ATP2C2: variants seen among roughly 807,000 people sequenced by gnomAD.
The protein encoded by ATP2C2 is calcium-transporting ATPase type 2C member 2.
ATP2C2 carries 171 observed loss-of-function variants against 110.8 expected under a neutral mutation model. The ratio of observed to expected loss-of-function variants is 1.54; its 90% CI spans 1.36 to 1.75. ATP2C2 has a LOEUF of 1.75. Among genes scored for constraint, ATP2C2 ranks in the 40% most tolerant of loss-of-function variants. The pLI, the probability that ATP2C2 is intolerant of heterozygous loss-of-function variation, is 0.00. For missense variants in ATP2C2, 1,963 were observed against 1,235.0 expected, an observed-to-expected ratio of 1.59 and a Z score of -8.84; for synonymous variants, 804 against 508.4, an observed-to-expected ratio of 1.58 and a Z score of -7.82.
At chr16:84,435,934 G>T (rs1597831435) in intron 11 of ATP2C2, among the ~76,000 whole-genome samples, 1 of 152,210 alleles carries the variant, frequency 6.6e-6, no homozygotes, top group East Asian at 1.9e-4. Flanking sequence ...TTCAAGACCA[G>T]CCTGGCCAAC....
chr16:84,429,216 A>G (rs1002265508), intron 11 of ATP2C2, among the ~76,000 whole-genome samples: 1 of 152,186 alleles, frequency 6.6e-6, no homozygotes, highest in African/African-American at 2.4e-5. Context: ...CAATGGCACG[A>G]TCTTGGCTCA....
chr16:84,445,535 G>T (rs1470628523), intron 15 of ATP2C2, among the ~76,000 whole-genome samples: 2 of 152,108 alleles, frequency 1.3e-5, no homozygotes, highest in African/African-American at 4.8e-5. Context: ...AGTCATGTTG[G>T]CTTAGGGCCA....
chr16:84,426,971 C>A (rs998807510), intron 11 of ATP2C2, among the ~76,000 whole-genome samples: 1 of 152,174 alleles, frequency 6.6e-6, no homozygotes, highest in South Asian at 2.1e-4. Context: ...AGTAGTTCTT[C>A]TGTGGCTATT....
At chr16:84,395,630 C>T (rs1341077300) in intron 1 of ATP2C2, among the ~76,000 whole-genome samples, 1 of 151,864 alleles carries the variant, frequency 6.6e-6, no homozygotes, top group African/African-American at 2.4e-5. Context: ...CTGACTCAGC[C>T]TCCAGAGTCG....
At chr16:84,373,764 A>C (rs866704020) in intron 1 of ATP2C2, among the ~76,000 whole-genome samples, 75 of 152,250 alleles carry the variant, frequency 4.9e-4, no homozygotes, top group African/African-American at 1.5e-3. Flanking sequence ...TCCTAGAACC[A>C]CATCTGACAT....
intron 11 of ATP2C2, among the ~76,000 whole-genome samples, chr16:84,428,433 A>G (rs142902033): frequency 1.4e-4 from 21 of 152,362 alleles, no homozygotes; most frequent in East Asian, 1.2e-3. Context: ...AAAGCATTCA[A>G]TAACTGTTTT....
intron 1 of ATP2C2, among the ~76,000 whole-genome samples, chr16:84,387,418 A>G (rs993583716): frequency 1.3e-5 from 2 of 152,174 alleles, no homozygotes; most frequent in African/African-American, 4.8e-5. Flanking sequence ...AGGCTGAGGC[A>G]GGAGAATCAC....
chr16:84,459,128 T>C lies in ATP2C2; in HGVS notation c.2156T>C (p.Val719Ala), dbSNP rs1190007487. 1 of 1,613,966 alleles carries C rather than the reference T, an allele frequency of 6.2e-7. No homozygotes were observed. The highest frequency in any genetic ancestry group is 2.2e-5 in the East Asian group (1 of 44,890). Residue 719 changes from valine to alanine, a missense_variant, in exon 22 of 27, where the codon GTG becomes GCG. Val to Ala is a moderately conservative substitution (Grantham distance 64). Coordinates refer to ENST00000262429, the MANE Select transcript of ATP2C2 (RefSeq NM_014861.4). ...DDDFSAIMNA[V>A]EEGKGIFYNI... ...GCTCTCTTCTCTTGCAGGAATGCAGTGGAGGAAGGCAAGGGTATTTTTTAC... is the reference window on the plus strand; with the variant it reads ...GCTCTCTTCTCTTGCAGGAATGCAGCGGAGGAAGGCAAGGGTATTTTTTAC...
chr16:84,427,171 G>A (rs1907880534), intron 11 of ATP2C2, among the ~76,000 whole-genome samples: 1 of 152,096 alleles, frequency 6.6e-6, no homozygotes, highest in Non-Finnish European at 1.5e-5. Flanking sequence ...GTGATGTGTG[G>A]AAAATCATTC....
At chr16:84,382,660 A>G (rs900205341) in intron 1 of ATP2C2, among the ~76,000 whole-genome samples, 3 of 152,152 alleles carry the variant, frequency 2.0e-5, no homozygotes, top group African/African-American at 7.2e-5. Flanking sequence ...TTGGGAGGCT[A>G]AGGCGAGAGG....
At chr16:84,459,628 GCTCT>G in intron 23 of ATP2C2, 1 of 1,506,034 alleles carries the variant, frequency 6.6e-7, no homozygotes, top group Non-Finnish European at 8.9e-7. Flanking sequence ...CTGCCTGGAT[GCTCT>G]CTCTGGGCAA....
intron 25 of ATP2C2, 41 bp downstream of exon 25, chr16:84,461,853 G>A (rs773910075): frequency 5.6e-6 from 9 of 1,607,260 alleles, no homozygotes; most frequent in Admixed American, 1.7e-5. Context: ...GAGCTGCTGT[G>A]TGTTCTCGAC....
intron 1 of ATP2C2, among the ~76,000 whole-genome samples, chr16:84,382,392 G>A (rs770739402): frequency 1.3e-5 from 2 of 152,076 alleles, no homozygotes; most frequent in Non-Finnish European, 2.9e-5. Flanking sequence ...TCACTGATGG[G>A]CTTCAAATAC....
Position 84,451,852 on chromosome 16 carries a change from C to T in ATP2C2, c.1661-69C>T, listed in dbSNP as rs980900627. The stretch of plus-strand genomic sequence containing the variant: ...AAACTCTCTTAAAAAACAACAACAA[C>T]AACCAACAACAAAAAACGACGGCCC... On this transcript the variant is annotated intron_variant, in intron 17 of 26. Coordinates refer to ENST00000262429, the MANE Select transcript of ATP2C2 (RefSeq NM_014861.4). The T allele has an allele frequency of 1.0e-4, 149 of 1,454,382 alleles. 1 individual carries two copies. Among genetic ancestry groups the T allele is most frequent in the Non-Finnish European group, 1.3e-4 (139 of 1,066,896 alleles). 90.1% of individuals were successfully genotyped at this position (1,454,382 alleles called of 1,614,324 possible). A position where few individuals can be genotyped will look rare whatever the true frequency, so the allele number is the denominator to read the frequency against.
At chr16:84,399,300 C>A (rs1189176663) in intron 2 of ATP2C2, among the ~76,000 whole-genome samples, 2 of 152,172 alleles carry the variant, frequency 1.3e-5, no homozygotes, top group East Asian at 3.8e-4. Context: ...CAATTCAAGT[C>A]CTGTGTATTA....
At chr16:84,451,794 C>T in intron 17 of ATP2C2, 127 bp from the exon 18 acceptor site, 3 of 940,928 alleles carry the variant, frequency 3.2e-6, no homozygotes, top group Non-Finnish European at 1.6e-6. Flanking sequence ...GCCAACATTA[C>T]ACCACTGCAC....
rs571525972 is a variant in ATP2C2 at position 84,461,494 on chromosome 16, GC to G, written c.2482-215del. ...TGTTTCCTCCACCCATAGGTGCCCT[GC>G]CCCCATCCTCATGGTGGCAGCAAAT... is the stretch of plus-strand genomic sequence containing the variant. On this transcript the variant is annotated intron_variant, in intron 24 of 26. Transcript: ENST00000262429. 301 of 611,504 alleles carry G rather than the reference GC, an allele frequency of 4.9e-4. 2 individuals are homozygous for G. The African/African-American group carries it at 5.1e-3, about 10-fold the overall frequency. 37.9% of individuals were successfully genotyped at this position (611,504 alleles called of 1,614,324 possible).
At position 84,452,106 on chromosome 16, in the gene ATP2C2, G is replaced by T; in HGVS notation, c.1831+15G>T. The T allele has an allele frequency of 6.2e-7, 1 of 1,613,760 alleles. No individual in the cohort carries two copies. ...CTTGGCCATAGGTAACTGGGACAGG[G>T]TCGGGGGTGAGGACGAAAGGACCCA... On this transcript the variant is annotated intron_variant, in intron 18 of 26. Coordinates refer to ENST00000262429, the MANE Select transcript of ATP2C2 (RefSeq NM_014861.4).
At chr16:84,434,949 C>G (rs1164884568) in intron 11 of ATP2C2, among the ~76,000 whole-genome samples, 3 of 152,220 alleles carry the variant, frequency 2.0e-5, no homozygotes, top group Non-Finnish European at 4.4e-5. Context: ...GTTTGCTTAG[C>G]TGGTCTTCAC....
Sources: gnomAD v4.1 joint callset for allele counts (sites outside exome capture counted in the v4.1 genomes callset) on GRCh38, gnomAD v4.1.1 for gene constraint, MANE v1.5 for transcripts, NCBI Gene and HGNC (gene_info 2026-07-23, HGNC 2026-07-21) for gene names.